Variants in RAPGEF5 observed in about 807,000 individuals in gnomAD.
RAPGEF5 encodes the protein Rap guanine nucleotide exchange factor 5.
RAPGEF5 carries 65 observed loss-of-function variants against 125.2 expected under a neutral mutation model. The ratio of observed to expected loss-of-function variants is 0.52; its 90% CI spans 0.43 to 0.64. The LOEUF is 0.64. Among genes scored for constraint, RAPGEF5 ranks in the 30% least tolerant of loss-of-function variants. The pLI, the probability that RAPGEF5 is intolerant of heterozygous loss-of-function variation, is 0.00. For synonymous variants in RAPGEF5, 391 were observed against 385.9 expected (o/e 1.01, Z -0.16); for missense variants, 958 against 1,048.1 (o/e 0.91, Z 1.19).
intron 2 of RAPGEF5, among the ~76,000 whole-genome samples, 171 bp downstream of exon 2, chr7:22,317,816 A>C (rs947873468): frequency 2.0e-5 from 3 of 152,210 alleles, no homozygotes; most frequent in Non-Finnish European, 4.4e-5. Flanking sequence ...AGAGCATCTC[A>C]AACACTTTTG....
At chr7:22,283,828 T>C (rs1417095022) in intron 6 of RAPGEF5, among the ~76,000 whole-genome samples, 2 of 152,178 alleles carry the variant, frequency 1.3e-5, no homozygotes, top group African/African-American at 4.8e-5. Flanking sequence ...AAGAGATTCA[T>C]TGAGACATTT....
At position 22,221,676 on chromosome 7, in the gene RAPGEF5, G is replaced by A. The variant is rs550613194; in HGVS notation, c.871-1685C>T. ...GGAGCTCCCCTGCACAAGCTCTCTT[G>A]CCTGCCGCCATGTAAGACATGCCTT... On this transcript the variant is annotated intron_variant, in intron 8 of 25. Transcript: ENST00000665637. 2.9e-4 allele frequency among the ~76,000 whole-genome samples: 44 copies of A among 152,236 alleles called. 1 individual carries two copies. The South Asian group carries it at 8.9e-3, about 31-fold the overall frequency.
chr7:22,297,550 T>C (rs1234814943), intron 5 of RAPGEF5, among the ~76,000 whole-genome samples: 1 of 152,150 alleles, frequency 6.6e-6, no homozygotes, highest in African/African-American at 2.4e-5. Context: ...GCCATGAATA[T>C]AAAATGAGAC....
chr7:22,181,502 T>A (rs75634353), intron 11 of RAPGEF5, among the ~76,000 whole-genome samples: 1 of 152,024 alleles, frequency 6.6e-6, no homozygotes. Context: ...GTCAGAAGAT[T>A]CACCAAATAT....
intron 18 of RAPGEF5, 23 bp from the exon 19 acceptor site, chr7:22,147,042 ATCCT>A: frequency 1.2e-6 from 2 of 1,608,884 alleles, no homozygotes; most frequent in Non-Finnish European, 1.7e-6. Flanking sequence ...AAGCAAAAAG[ATCCT>A]CAGTAATTCC....
intron 11 of RAPGEF5, among the ~76,000 whole-genome samples, chr7:22,169,378 T>C (rs1784270811): frequency 6.6e-6 from 1 of 152,234 alleles, no homozygotes; most frequent in African/African-American, 2.4e-5. Context: ...TTACAGTTTT[T>C]AAAAATAGTT....
intron 7 of RAPGEF5, among the ~76,000 whole-genome samples, chr7:22,261,270 C>T (rs868429724): frequency 6.6e-6 from 1 of 151,590 alleles, no homozygotes; most frequent in Non-Finnish European, 1.5e-5. Flanking sequence ...AATGTACAAC[C>T]GAGAATTAAA....
intron 9 of RAPGEF5, among the ~76,000 whole-genome samples, chr7:22,198,906 T>A (rs149150677): frequency 2.1e-4 from 32 of 152,300 alleles, no homozygotes; most frequent in African/African-American, 6.7e-4. Context: ...GAAGCTGAGA[T>A]TGAACCCAGA....
intron 13 of RAPGEF5, among the ~76,000 whole-genome samples, chr7:22,161,158 G>A (rs929478185): frequency 3.3e-5 from 5 of 152,120 alleles, no homozygotes; most frequent in Admixed American, 1.3e-4. Flanking sequence ...GCAGTGAGCC[G>A]AGATCGCGCC....
intron 5 of RAPGEF5, among the ~76,000 whole-genome samples, chr7:22,300,761 C>T (rs1783179016): frequency 6.6e-6 from 1 of 152,216 alleles, no homozygotes; most frequent in South Asian, 2.1e-4. Flanking sequence ...CACTCCTTGT[C>T]TATCATCTGC....
intron 12 of RAPGEF5, 65 bp from the exon 13 acceptor site, chr7:22,162,606 C>T (rs1784042173): frequency 6.9e-7 from 1 of 1,439,088 alleles, no homozygotes; most frequent in Admixed American, 1.9e-5. Flanking sequence ...TCCATTTACT[C>T]TTATTTTTAC....
chr7:22,119,899 A>G lies in RAPGEF5; in HGVS notation c.*2507T>C, dbSNP rs939706459. On this transcript the variant is annotated 3_prime_UTR_variant, in exon 26 of 26. Transcript: ENST00000665637. This position sits in a 1 kb window ranked among gnomAD's most constrained non-coding sequence, Gnocchi z 4.1. ...TAACAAGGAGCACTCAAGCCCCACC[A>G]CTGTCCACCAGTGAACAGCTCAGAT... 2.0e-5 allele frequency: 3 copies of G among 152,160 alleles called. No individual in the cohort carries two copies. Among genetic ancestry groups the G allele is most frequent in the Non-Finnish European group, 4.4e-5 (3 of 68,048 alleles). 9.4% of individuals were successfully genotyped at this position (152,160 alleles called of 1,614,324 possible).
intron 7 of RAPGEF5, among the ~76,000 whole-genome samples, chr7:22,248,462 T>C (rs557063106): frequency 6.6e-6 from 1 of 152,296 alleles, no homozygotes; most frequent in African/African-American, 2.4e-5. Flanking sequence ...TGTGTTGCTG[T>C]AATACTTGTG....
At chr7:22,234,751 C>T (rs1173841944) in intron 7 of RAPGEF5, among the ~76,000 whole-genome samples, 4 of 151,996 alleles carry the variant, frequency 2.6e-5, no homozygotes, top group Non-Finnish European at 5.9e-5. Context: ...CTTGATAGTG[C>T]TTTCTTGTTG....
At chr7:22,125,703 G>A (rs768449597) in intron 24 of RAPGEF5, 45 bp from the exon 25 acceptor site, 13 of 1,542,440 alleles carry the variant, frequency 8.4e-6, no homozygotes, top group Non-Finnish European at 1.2e-5. Flanking sequence ...GGTCGTTGAG[G>A]GTGTTACTGA....
At chr7:22,142,527 T>C (rs1414981972) in intron 20 of RAPGEF5, among the ~76,000 whole-genome samples, 4 of 151,912 alleles carry the variant, frequency 2.6e-5, no homozygotes, top group African/African-American at 7.3e-5. Flanking sequence ...AAAAAACCCA[T>C]AAAAACACAC....
chr7:22,194,682 G>A (rs1785104960), intron 9 of RAPGEF5: 1 of 985,132 alleles, frequency 1.0e-6, no homozygotes, highest in Non-Finnish European at 1.2e-6. Context: ...ATCTCATCTA[G>A]GCTGAAATTC....
chr7:22,315,672 T>G (rs1036621224), intron 2 of RAPGEF5, among the ~76,000 whole-genome samples, 196 bp from the exon 3 acceptor site: 2 of 151,484 alleles, frequency 1.3e-5, no homozygotes, highest in African/African-American at 4.8e-5. Context: ...CTTACTTTAT[T>G]TTAGCTACTG....
intron 11 of RAPGEF5, among the ~76,000 whole-genome samples, chr7:22,188,297 T>G (rs1295666651): frequency 6.6e-6 from 1 of 152,208 alleles, no homozygotes; most frequent in Non-Finnish European, 1.5e-5. Flanking sequence ...TACGTTGTCT[T>G]CTATCTTTCC....
Sources: allele counts gnomAD v4.1 joint callset (sites outside exome capture counted in the v4.1 genomes callset), GRCh38; gene constraint gnomAD v4.1.1; non-coding constraint Gnocchi (gnomAD v3.1); transcripts MANE v1.5; gene names NCBI Gene and HGNC (gene_info 2026-07-23, HGNC 2026-07-21).